Variants in DEDD2 observed in about 807,000 individuals in gnomAD.
DEDD2 encodes the protein DNA-binding death effector domain-containing protein 2.
Under a neutral mutation model 28.9 loss-of-function variants are expected in DEDD2, and 18 were observed. The ratio of observed to expected loss-of-function variants is 0.62; its 90% CI spans 0.43 to 0.92. The LOEUF (loss-of-function observed/expected upper bound fraction) is 0.92, where lower values mean the gene tolerates loss of function less well. Ranked by LOEUF, DEDD2 falls within the 40% of genes least tolerant of loss-of-function variation. DEDD2 has a pLI of 0.00. For synonymous variants in DEDD2, 211 were observed against 206.1 expected (o/e 1.02, Z -0.20); for missense variants, 411 against 463.3 (o/e 0.89, Z 1.04).
intron 1 of DEDD2, among the ~76,000 whole-genome samples, 197 bp from the exon 2 acceptor site, chr19:42,217,242 C>A (rs1400776013): frequency 2.0e-5 from 3 of 151,968 alleles, no homozygotes. Context: ...CGCCGGAGCC[C>A]GCTCGGCTTC....
chr19:42,206,362 T>C (rs1455273979), intron 4 of DEDD2, among the ~76,000 whole-genome samples: 1 of 152,136 alleles, frequency 6.6e-6, no homozygotes, highest in Non-Finnish European at 1.5e-5. Flanking sequence ...ACCCTTCCCC[T>C]GACATCTGAA....
At position 42,199,273 on chromosome 19, in the gene DEDD2, G is replaced by A. The variant is rs540933787; in HGVS notation, c.*165C>T. ...TCAGCTGGAAATGGTTTAGGCCTCA[G>A]AGCCCACATCCTGTGGGAGGGGCTG... On this transcript the variant is annotated 3_prime_UTR_variant, in exon 5 of 5. Coordinates refer to ENST00000596251, the MANE Select transcript of DEDD2 (RefSeq NM_133328.4). The surrounding 1 kb of genome is among the most constrained non-coding windows in gnomAD (Gnocchi z 7.4). The A allele has an allele frequency of 9.3e-7, 1 of 1,070,782 alleles. No homozygotes were observed. The highest frequency in any genetic ancestry group is 1.6e-5 in the African/African-American group (1 of 62,814). The allele number at this position is 1,070,782 out of a possible 1,614,324, so 66.3% of individuals were successfully genotyped here.
At chr19:42,219,203 C>T (rs1408000543), upstream of DEDD2, among the ~76,000 whole-genome samples, 1 of 152,150 alleles carries the variant, frequency 6.6e-6, no homozygotes, top group Non-Finnish European at 1.5e-5. Flanking sequence ...ACTCGGGAGG[C>T]TGACGCAGGA....
In DEDD2 at chr19:42,215,353, G is replaced by A. The variant is rs140835681; in HGVS notation, c.329-101C>T. The A allele has an allele frequency of 3.0e-5, 44 of 1,466,112 alleles. No individual in the cohort carries two copies. The Admixed American group carries it at 3.1e-4, about 10-fold the overall frequency. 90.8% of individuals were successfully genotyped at this position (1,466,112 alleles called of 1,614,324 possible). A position where few individuals can be genotyped will look rare whatever the true frequency, so the allele number is the denominator to read the frequency against. On this transcript the variant is annotated intron_variant, in intron 2 of 4. Transcript: ENST00000596251. ...CACGAGGTGCCTAAGTTCCCCAGTA[G>A]TCAGAGCCCAAATACCCACTCATTC...
At chr19:42,212,646 A>G (rs1415577548) in intron 3 of DEDD2, among the ~76,000 whole-genome samples, 1 of 151,860 alleles carries the variant, frequency 6.6e-6, no homozygotes, top group Non-Finnish European at 1.5e-5. Context: ...TATATTTTTT[A>G]TAGAGACAGG....
At chr19:42,218,425 CT>C (rs1339812685), upstream of DEDD2, among the ~76,000 whole-genome samples, 1 of 152,168 alleles carries the variant, frequency 6.6e-6, no homozygotes, top group Admixed American at 6.6e-5. Context: ...AAAACGGCCC[CT>C]CCGTAACCCC....
rs983256395 is a variant in DEDD2, at chr19:42,214,911, T to C, written c.448+222A>G. On this transcript the variant is annotated intron_variant, in intron 3 of 4. Coordinates refer to ENST00000596251, the MANE Select transcript of DEDD2 (RefSeq NM_133328.4). Reference sequence around the variant, plus strand: ...GCAAAGACAGCCAGGTGCAGAGTAATACCCACAATGTAATGCCATTTAAAC... The same window carrying C: ...GCAAAGACAGCCAGGTGCAGAGTAACACCCACAATGTAATGCCATTTAAAC... Among the ~76,000 whole-genome samples, 34 of 151,982 alleles carry C rather than the reference T, an allele frequency of 2.2e-4. 1 individual carries two copies. Among genetic ancestry groups the C allele is most frequent in the African/African-American group, 7.5e-4 (31 of 41,362 alleles).
intron 4 of DEDD2, among the ~76,000 whole-genome samples, chr19:42,208,961 G>C (rs1215034707): frequency 6.6e-6 from 1 of 152,206 alleles, no homozygotes; most frequent in Non-Finnish European, 1.5e-5. Flanking sequence ...TGGATGGCTG[G>C]GTGCGGTGGC....
At chr19:42,208,349 C>G (rs2035615899) in intron 4 of DEDD2, among the ~76,000 whole-genome samples, 1 of 151,918 alleles carries the variant, frequency 6.6e-6, no homozygotes, top group African/African-American at 2.4e-5. Context: ...TCCTCACCCT[C>G]TCCAACACGA....
At chr19:42,202,631 C>G (rs1385866611) in intron 4 of DEDD2, among the ~76,000 whole-genome samples, 1 of 152,164 alleles carries the variant, frequency 6.6e-6, no homozygotes, top group Non-Finnish European at 1.5e-5. Context: ...GACACAAGAA[C>G]CTTGCCACAA....
chr19:42,208,308 C>G (rs2035614603), intron 4 of DEDD2, among the ~76,000 whole-genome samples: 1 of 152,032 alleles, frequency 6.6e-6, no homozygotes, highest in African/African-American at 2.4e-5. Flanking sequence ...GCCCTATGGC[C>G]AGTGCCCTTC....
chr19:42,204,624 T>A (rs1194770005), intron 4 of DEDD2: 1 of 152,382 alleles, frequency 6.6e-6, no homozygotes, highest in Non-Finnish European at 1.5e-5. Context: ...GGTATTTCTT[T>A]ATAGCAACAC....
intron 3 of DEDD2, among the ~76,000 whole-genome samples, chr19:42,213,215 G>T (rs903612014): frequency 2.0e-5 from 3 of 152,136 alleles, no homozygotes; most frequent in Admixed American, 6.6e-5. Context: ...TAGTGTATGG[G>T]TCTATAGTGA....
chr19:42,203,451 C>A (rs2035409730), intron 4 of DEDD2, among the ~76,000 whole-genome samples: 1 of 152,294 alleles, frequency 6.6e-6, no homozygotes, highest in South Asian at 2.1e-4. Flanking sequence ...GAACTTCAGG[C>A]CTGCACAGGC....
At chr19:42,216,540 G>T in intron 2 of DEDD2, 140 bp downstream of exon 2, 2 of 880,310 alleles carry the variant, frequency 2.3e-6, no homozygotes, top group Non-Finnish European at 3.3e-6. Context: ...GTTGCTCATT[G>T]ATATTGTGGG....
intron 4 of DEDD2, among the ~76,000 whole-genome samples, chr19:42,202,985 C>G (rs1039490730): frequency 6.6e-6 from 1 of 152,196 alleles, no homozygotes; most frequent in Non-Finnish European, 1.5e-5. Context: ...CAGGCTGGCA[C>G]GGTACTACAT....
chr19:42,219,080 G>C (rs1159848472), upstream of DEDD2, among the ~76,000 whole-genome samples: 1 of 152,176 alleles, frequency 6.6e-6, no homozygotes, highest in African/African-American at 2.4e-5. Flanking sequence ...CGAGGCGGGC[G>C]GATCACCTGA....
In DEDD2 at chr19:42,199,618, C is replaced by T; in HGVS notation, c.801G>A (p.Leu267=). The T allele has an allele frequency of 6.2e-7, 1 of 1,614,158 alleles. No individual in the cohort carries two copies. The highest frequency in any genetic ancestry group is 8.5e-7 in the Non-Finnish European group (1 of 1,179,986). ...SYLDAFWGDY[L]SGALLQALRG... The stretch of plus-strand genomic sequence containing the variant: ...GCAGGGCCTGCAGCAGGGCGCCACT[C>T]AGGTAGTCGCCCCAGAAGGCGTCCA... The change falls in exon 5 of 5, where the codon CTG becomes CTA. Residue 267 remains leucine, a synonymous_variant. Coordinates refer to ENST00000596251, the MANE Select transcript of DEDD2 (RefSeq NM_133328.4). The surrounding 1 kb of genome is among the most constrained non-coding windows in gnomAD (Gnocchi z 7.4).
intron 4 of DEDD2, among the ~76,000 whole-genome samples, chr19:42,202,749 C>T (rs1279714757): frequency 6.6e-6 from 1 of 152,200 alleles, no homozygotes; most frequent in Non-Finnish European, 1.5e-5. Context: ...AGTACTTTCA[C>T]CAGCCCCATT....
Sources: gnomAD v4.1 joint callset for allele counts (sites outside exome capture counted in the v4.1 genomes callset) on GRCh38, gnomAD v4.1.1 for gene constraint, Gnocchi (gnomAD v3.1) non-coding constraint, MANE v1.5 for transcripts, NCBI Gene and HGNC (gene_info 2026-07-23, HGNC 2026-07-21) for gene names.